The following GNAO1 variants were observed in gnomAD, a reference collection of about 807,000 sequenced individuals.
GNAO1 encodes the protein G protein subunit alpha o1.
For synonymous variants in GNAO1, 164 were observed against 180.7 expected, an observed-to-expected ratio of 0.91 and a Z score of 0.74; for missense variants, 166 against 478.7, an observed-to-expected ratio of 0.35 and a Z score of 6.10.
At chr16:56,273,713 C>T (rs1486803410) in intron 2 of GNAO1, among the ~76,000 whole-genome samples, 1 of 152,034 alleles carries the variant, frequency 6.6e-6, no homozygotes, top group East Asian at 1.9e-4. Context: ...TGTTTTTAAG[C>T]TTCATGAGGG....
At chr16:56,231,351 A>T (rs780579560) in intron 2 of GNAO1, among the ~76,000 whole-genome samples, 2 of 152,148 alleles carry the variant, frequency 1.3e-5, no homozygotes, top group Admixed American at 6.5e-5. Context: ...CTTCCATGAC[A>T]CCCTGTCTTA....
chr16:56,241,641 A>G (rs921140029), intron 2 of GNAO1, among the ~76,000 whole-genome samples: 9 of 152,212 alleles, frequency 5.9e-5, no homozygotes, highest in Admixed American at 5.9e-4. Flanking sequence ...TGCAGTGTAT[A>G]GAATTAAACT....
chr16:56,275,667 A>G (rs1238858775), intron 2 of GNAO1, among the ~76,000 whole-genome samples: 1 of 152,178 alleles, frequency 6.6e-6, no homozygotes, highest in Non-Finnish European at 1.5e-5. Flanking sequence ...AAGTACTTTC[A>G]AGTATTATCA....
intron 2 of GNAO1, among the ~76,000 whole-genome samples, chr16:56,247,111 C>G (rs529900833): frequency 1.3e-5 from 2 of 152,188 alleles, no homozygotes; most frequent in African/African-American, 2.4e-5. Flanking sequence ...CATCTTTGCC[C>G]GCCTCAGCTC....
rs546105960 is a variant in GNAO1, at chr16:56,296,545, G to A, written c.303+20473G>A. 3.9e-5 allele frequency among the ~76,000 whole-genome samples: 6 copies of A among 152,202 alleles called. No individual in the cohort carries two copies. In the East Asian group the frequency reaches 1.2e-3, roughly 29 times the overall value. On this transcript the variant is annotated intron_variant, in intron 3 of 8. Coordinates refer to ENST00000262493, the MANE Select transcript of GNAO1 (RefSeq NM_020988.3). ...TAAGCGGCGTGTCTGGGCTCTAACT[G>A]CCTCTAGGACCTACCCAGGGGGACA...
chr16:56,200,388 C>T (rs1025215202), intron 2 of GNAO1, among the ~76,000 whole-genome samples: 13 of 152,196 alleles, frequency 8.5e-5, no homozygotes, highest in African/African-American at 2.9e-4. Context: ...CTCCATAAAC[C>T]AAAATAATCA....
intron 3 of GNAO1, chr16:56,307,622 T>A (rs1596855447): frequency 1.3e-5 from 2 of 152,238 alleles, no homozygotes. Context: ...GGAAACTGAG[T>A]CACAAGGTGT....
intron 3 of GNAO1, among the ~76,000 whole-genome samples, chr16:56,282,057 T>C (rs561489910): frequency 6.6e-6 from 1 of 152,356 alleles, no homozygotes; most frequent in East Asian, 1.9e-4. Context: ...TTTCACTATT[T>C]GTGCCTATGC....
chr16:56,203,380 A>G (rs999525936), intron 2 of GNAO1, among the ~76,000 whole-genome samples: 18 of 152,014 alleles, frequency 1.2e-4, no homozygotes, highest in African/African-American at 3.4e-4. Flanking sequence ...CTGGAATTTT[A>G]TAGTCACTAT....
chr16:56,277,705 T>G (rs2037073127), intron 3 of GNAO1, among the ~76,000 whole-genome samples: 1 of 151,812 alleles, frequency 6.6e-6, no homozygotes, highest in South Asian at 2.1e-4. Flanking sequence ...TCTGTCTCCC[T>G]TTGACTAAGT....
chr16:56,246,733 G>A (rs2036748707), intron 2 of GNAO1, among the ~76,000 whole-genome samples: 1 of 152,106 alleles, frequency 6.6e-6, no homozygotes, highest in Non-Finnish European at 1.5e-5. Flanking sequence ...AGTGATCATT[G>A]CTAGTCTGCT....
At position 56,326,576 on chromosome 16, in the gene GNAO1, G is replaced by T. The variant is rs1335406192; in HGVS notation, c.304-2055G>T. On this transcript the variant is annotated intron_variant, in intron 3 of 8. Coordinates refer to ENST00000262493, the MANE Select transcript of GNAO1 (RefSeq NM_020988.3). This position sits in a 1 kb window ranked among gnomAD's most constrained non-coding sequence, Gnocchi z 4.8. ...AGCCATGAAGGGGAGCTCATGGGTG[G>T]CCTGCCACGTTGGCTGCTGGGGCTC... Among the ~76,000 whole-genome samples, 1 of 152,254 alleles carries T rather than the reference G, an allele frequency of 6.6e-6. No individual in the cohort carries two copies. Among genetic ancestry groups the T allele is most frequent in the Non-Finnish European group, 1.5e-5 (1 of 68,034 alleles).
In GNAO1 at chr16:56,334,738, C is replaced by T. The variant is rs144771965; in HGVS notation, c.474C>T (p.Asp158=). ...QLNDSAKYYL[D]SLDRIGAADY... Reference sequence around the variant, plus strand: ...TTGTTGCCATCCTCAGCTACCTGGACAGCCTGGATCGGATTGGGGCCGCCG... The same window carrying T: ...TTGTTGCCATCCTCAGCTACCTGGATAGCCTGGATCGGATTGGGGCCGCCG... Residue 158 remains aspartate, a synonymous_variant, in exon 5 of 9, where the codon GAC becomes GAT. Transcript: ENST00000262493. The T allele has an allele frequency of 1.1e-4, 176 of 1,614,028 alleles. No homozygotes were observed. The highest frequency in any genetic ancestry group is 7.6e-4 in the African/African-American group (57 of 75,058).
chr16:56,314,609 T>C (rs1225429446), intron 3 of GNAO1, among the ~76,000 whole-genome samples: 1 of 152,062 alleles, frequency 6.6e-6, no homozygotes, highest in Non-Finnish European at 1.5e-5. Context: ...GCATGCATGG[T>C]GGTAGGGAGT....
At chr16:56,324,098 T>C (rs1375643955) in intron 3 of GNAO1, among the ~76,000 whole-genome samples, 2 of 152,206 alleles carry the variant, frequency 1.3e-5, no homozygotes, top group Non-Finnish European at 2.9e-5. Flanking sequence ...ACCCCTGGGC[T>C]ATCTGCTGGA....
intron 6 of GNAO1, among the ~76,000 whole-genome samples, chr16:56,339,574 T>C (rs2037779256): frequency 6.6e-6 from 1 of 152,160 alleles, no homozygotes; most frequent in East Asian, 1.9e-4. Flanking sequence ...AACAAAGGTG[T>C]CTGGAAGCAG....
chr16:56,250,419 T>C (rs1463255281), intron 2 of GNAO1, among the ~76,000 whole-genome samples: 1 of 152,128 alleles, frequency 6.6e-6, no homozygotes, highest in African/African-American at 2.4e-5. Flanking sequence ...ACTTCCACTT[T>C]GGGGGAAGAT....
intron 6 of GNAO1, among the ~76,000 whole-genome samples, chr16:56,340,070 C>T (rs540120280): frequency 6.6e-5 from 10 of 152,352 alleles, no homozygotes; most frequent in African/African-American, 2.2e-4. Context: ...CAGGAGCTAG[C>T]CAGGATGCCC....
intron 2 of GNAO1, among the ~76,000 whole-genome samples, chr16:56,236,772 T>G (rs1267458607): frequency 6.6e-6 from 1 of 152,256 alleles, no homozygotes; most frequent in Non-Finnish European, 1.5e-5. Flanking sequence ...GAGGGACTTT[T>G]GAACACAAAG....
Sources: gnomAD v4.1 joint callset for allele counts (sites outside exome capture counted in the v4.1 genomes callset) on GRCh38, gnomAD v4.1.1 for gene constraint, Gnocchi (gnomAD v3.1) non-coding constraint, MANE v1.5 for transcripts, NCBI Gene and HGNC (gene_info 2026-07-23, HGNC 2026-07-21) for gene names.